The following UNC79 variants were observed in gnomAD, a reference collection of about 807,000 sequenced individuals.
The protein encoded by UNC79 is unc-79 subunit of NALCN channel complex.
In UNC79, 37 loss-of-function variants were observed where a neutral mutation model predicts 283.1. The ratio of observed to expected loss-of-function variants is 0.13; its 90% CI spans 0.10 to 0.17. The LOEUF (loss-of-function observed/expected upper bound fraction) is 0.17. UNC79 is among the 10% of genes least tolerant of loss of function. The probability of loss-of-function intolerance (pLI) is 1.00; values close to 1 mark genes in which losing one functional copy is unlikely to be tolerated. For synonymous variants in UNC79, 1,107 were observed against 1,200.2 expected, an observed-to-expected ratio of 0.92 and a Z score of 1.61; for missense variants, 2,272 against 3,211.1, an observed-to-expected ratio of 0.71 and a Z score of 7.07.
chr14:93,703,526 AGG>A (rs1293192255), intron 47 of UNC79, among the ~76,000 whole-genome samples: 1 of 152,180 alleles, frequency 6.6e-6, no homozygotes, highest in Non-Finnish European at 1.5e-5. Flanking sequence ...ATATTGGATT[AGG>A]GGCTCACCCT....
Position 93,474,493 on chromosome 14 carries a change from C to T in UNC79, c.448+100C>T. The T allele has an allele frequency of 7.4e-7, 1 of 1,343,078 alleles. No homozygotes were observed. Among genetic ancestry groups the T allele is most frequent in the Non-Finnish European group, 1.0e-6 (1 of 1,002,382 alleles). The allele number at this position is 1,343,078 out of a possible 1,614,324, so 83.2% of individuals were successfully genotyped here. A position where few individuals can be genotyped will look rare whatever the true frequency, so the allele number is the denominator to read the frequency against. ...GGAGATGGTCACTGTTGTAATCAAT[C>T]ACCTGAAAGGGCTTTGTGTGGCTAG... On this transcript the variant is annotated intron_variant, in intron 3 of 48. Coordinates refer to ENST00000555664, the Ensembl canonical transcript of UNC79. The surrounding 1 kb of genome is among the most constrained non-coding windows in gnomAD (Gnocchi z 4.1).
At chr14:93,632,412 A>G (rs560106846) in intron 31 of UNC79, among the ~76,000 whole-genome samples, 1 of 152,330 alleles carries the variant, frequency 6.6e-6, no homozygotes, top group African/African-American at 2.4e-5. Flanking sequence ...TTAATAAAAG[A>G]TAGTGGGCTG....
At chr14:93,569,716 A>G (rs561173912) in intron 14 of UNC79, among the ~76,000 whole-genome samples, 136 of 152,254 alleles carry the variant, frequency 8.9e-4, no homozygotes, top group Non-Finnish European at 8.5e-4. Context: ...CAGTGTTTAC[A>G]TGTCCAGGCT....
chr14:93,346,664 C>T (rs1270827434), intron 1 of UNC79, among the ~76,000 whole-genome samples: 1 of 149,886 alleles, frequency 6.7e-6, no homozygotes, highest in African/African-American at 2.5e-5. Context: ...ATTTAATTTG[C>T]ATTAGAAACA....
intron 22 of UNC79, among the ~76,000 whole-genome samples, chr14:93,590,958 T>C (rs1241306925): frequency 6.6e-6 from 1 of 152,214 alleles, no homozygotes; most frequent in African/African-American, 2.4e-5. Flanking sequence ...GGTAGCAGCT[T>C]CAGGTTTCTG....
chr14:93,563,777 T>A (rs2062708471), intron 14 of UNC79, among the ~76,000 whole-genome samples: 1 of 152,044 alleles, frequency 6.6e-6, no homozygotes, highest in South Asian at 2.1e-4. Flanking sequence ...AGGTGTAGTA[T>A]CCAGAATAAT....
intron 44 of UNC79, chr14:93,689,467 G>A (rs2074507918): frequency 6.5e-6 from 1 of 153,294 alleles, no homozygotes; most frequent in South Asian, 2.1e-4. Context: ...CCTCTACTGG[G>A]GATGCCAGAG....
intron 47 of UNC79, among the ~76,000 whole-genome samples, chr14:93,696,733 C>T (rs1363714801): frequency 6.6e-6 from 1 of 151,946 alleles, no homozygotes; most frequent in African/African-American, 2.4e-5. Flanking sequence ...AAAGATTTTT[C>T]TCTGTGGTTT....
At chr14:93,642,638 G>A (rs6575346) in intron 33 of UNC79, among the ~76,000 whole-genome samples, 15 of 151,948 alleles carry the variant, frequency 9.9e-5, no homozygotes, top group Non-Finnish European at 7.4e-5. Flanking sequence ...GGATTACCCC[G>A]CTCCCCAAGT....
intron 34 of UNC79, among the ~76,000 whole-genome samples, chr14:93,645,243 A>G (rs1485140050): frequency 2.6e-5 from 4 of 152,266 alleles, no homozygotes; most frequent in African/African-American, 9.6e-5. Context: ...AAGTGAGAAC[A>G]ATATGTGTTC....
In UNC79 at chr14:93,430,933, G is replaced by T. The variant is rs2055848580; in HGVS notation, c.-97G>T. 4.6e-6 allele frequency: 2 copies of T among 433,212 alleles called. No homozygotes were observed. The highest frequency in any genetic ancestry group is 1.6e-5 in the South Asian group (1 of 61,432). 26.8% of individuals were successfully genotyped at this position (433,212 alleles called of 1,614,324 possible). ...GGGGAAAGCGAGGGGGTGGGGGGTG[G>T]GGGGTATGCACTCTTTTCCTCGCAA... On this transcript the variant is annotated 5_prime_UTR_variant, in exon 1 of 49. Coordinates refer to ENST00000555664, the Ensembl canonical transcript of UNC79. The surrounding 1 kb of genome is among the most constrained non-coding windows in gnomAD (Gnocchi z 4.6).
In UNC79 at chr14:93,483,005, C is replaced by G. The variant is rs117098634; in HGVS notation, c.620-4658C>G. On this transcript the variant is annotated intron_variant, in intron 4 of 48. Transcript: ENST00000555664. Reference sequence around the variant, plus strand: ...CCTTGTCTTCACTCTGCTCCAGGAGCCTTGGCCTTTCTGCAGTTTCACAAA... The same window carrying G: ...CCTTGTCTTCACTCTGCTCCAGGAGGCTTGGCCTTTCTGCAGTTTCACAAA... Among the ~76,000 whole-genome samples, 525 of 152,286 alleles carry G rather than the reference C, an allele frequency of 3.4e-3. 10 individuals are homozygous for G. In the South Asian group the frequency reaches 0.05, roughly 14 times the overall value.
At chr14:93,337,134 T>C (rs1159517885) in intron 1 of UNC79, among the ~76,000 whole-genome samples, 1 of 152,210 alleles carries the variant, frequency 6.6e-6, no homozygotes, top group Non-Finnish European at 1.5e-5. Context: ...TAGTGCTTTT[T>C]CCAGGCCCGC....
At chr14:93,359,618 C>T (rs2054178300) in intron 1 of UNC79, among the ~76,000 whole-genome samples, 1 of 151,834 alleles carries the variant, frequency 6.6e-6, no homozygotes, top group Non-Finnish European at 1.5e-5. Context: ...CTGGCATTGG[C>T]TAAGTACATT....
rs374045950 is a variant in UNC79 at position 93,474,759 on chromosome 14, A to G, written c.448+366A>G. Among the ~76,000 whole-genome samples, 7 of 152,220 alleles carry G rather than the reference A, an allele frequency of 4.6e-5. No homozygotes were observed. In the South Asian group the frequency reaches 8.3e-4, roughly 18 times the overall value. On this transcript the variant is annotated intron_variant, in intron 3 of 48. Transcript: ENST00000555664. This position sits in a 1 kb window ranked among gnomAD's most constrained non-coding sequence, Gnocchi z 4.1. ...CACCCAGAAAATTAAGAAGTAGAGC[A>G]TGAAGAGCAGGCTATAATCCACTGA... is the stretch of plus-strand genomic sequence containing the variant.
At chr14:93,634,543 G>A (rs868081984) in intron 31 of UNC79, 1 of 1,613,920 alleles carries the variant, frequency 6.2e-7, no homozygotes, top group Non-Finnish European at 8.5e-7. Context: ...AGATGAAAAG[G>A]GGATCCCTGG....
chr14:93,666,068 T>C (rs1434275624), intron 40 of UNC79, among the ~76,000 whole-genome samples: 1 of 13,274 alleles, frequency 7.5e-5, no homozygotes, highest in Non-Finnish European at 1.8e-4. Context: ...TGTGTGTTTG[T>C]GTGTGTGTGT....
At position 93,451,668 on chromosome 14, in the gene UNC79, C is replaced by A. The variant is rs750249356; in HGVS notation, c.23-16003C>A. On this transcript the variant is annotated intron_variant, in intron 1 of 48. Transcript: ENST00000555664. The stretch of plus-strand genomic sequence containing the variant: ...ATTTAGGGTTCTAATTGCTCTTAAA[C>A]AGTTTTCAGCCAATCCCCCACATTT... Among the ~76,000 whole-genome samples the A allele has an allele frequency of 2.0e-5, 3 of 152,294 alleles. No homozygotes were observed. The East Asian group carries it at 5.8e-4, about 29-fold the overall frequency.
At position 93,420,453 on chromosome 14, in the gene UNC79, A is replaced by G. The variant is rs554734075; in HGVS notation, c.-350-47218A>G. ...ACTCAATAGGGGAGTACCCAGATAT[A>G]TGAAGAAAATATTATTAGAGCTAAA... On this transcript the variant is annotated intron_variant, in intron 1 of 49. Transcript: ENST00000256339. Among the ~76,000 whole-genome samples the G allele has an allele frequency of 6.5e-4, 99 of 151,940 alleles. 2 individuals are homozygous for G. The highest frequency in any genetic ancestry group is 2.3e-3 in the African/African-American group (94 of 41,538).
Sources: allele counts gnomAD v4.1 joint callset (sites outside exome capture counted in the v4.1 genomes callset), GRCh38; gene constraint gnomAD v4.1.1; non-coding constraint Gnocchi (gnomAD v3.1); transcripts MANE v1.5; gene names NCBI Gene and HGNC (gene_info 2026-07-23, HGNC 2026-07-21).